The following CCSER1 variants were observed in gnomAD, a reference collection of about 807,000 sequenced individuals.
CCSER1 encodes the protein coiled-coil serine rich protein 1.
In CCSER1, 41 loss-of-function variants were observed where a neutral mutation model predicts 82.0. The ratio of observed to expected loss-of-function variants is 0.50; its 90% CI spans 0.39 to 0.65. The LOEUF is 0.65. Among genes scored for constraint, CCSER1 ranks in the 30% least tolerant of loss-of-function variants. The pLI is 0.00. For synonymous variants in CCSER1, 414 were observed against 383.9 expected, an observed-to-expected ratio of 1.08 and a Z score of -0.92; for missense variants, 1,119 against 1,064.2, an observed-to-expected ratio of 1.05 and a Z score of -0.72.
intron 10 of CCSER1, among the ~76,000 whole-genome samples, chr4:91,246,823 CACAT>C (rs1553916501): frequency 1.1e-4 from 14 of 124,624 alleles, no homozygotes; most frequent in Non-Finnish European, 2.0e-4. Flanking sequence ...CACACATACA[CACAT>C]ACACACACAC....
rs1212491597 is a variant in CCSER1 at position 91,142,774 on chromosome 4, G to A, written c.2217+56780G>A. ...TAGTGTATTTCTGTAGACTTTGTAA[G>A]AGATTAGGTGGCTGTAGTTGTGTGG... On this transcript the variant is annotated intron_variant, in intron 10 of 10. Coordinates refer to ENST00000509176, the MANE Select transcript of CCSER1 (RefSeq NM_001145065.2). Among the ~76,000 whole-genome samples the A allele has an allele frequency of 1.3e-5, 2 of 152,042 alleles. 1 individual carries two copies. The highest frequency in any genetic ancestry group is 6.3e-3 in the Middle Eastern group (2 of 316).
intron 5 of CCSER1, among the ~76,000 whole-genome samples, chr4:90,469,563 A>T (rs1764089866): frequency 1.3e-5 from 2 of 151,280 alleles, no homozygotes; most frequent in Admixed American, 6.6e-5. Flanking sequence ...ACACACACAC[A>T]CACATTTCCT....
At chr4:90,568,440 T>C (rs896541895) in intron 5 of CCSER1, among the ~76,000 whole-genome samples, 1 of 152,244 alleles carries the variant, frequency 6.6e-6, no homozygotes, top group African/African-American at 2.4e-5. Context: ...TTACACTTTT[T>C]GACACATTGT....
At chr4:90,563,700 A>T (rs1448698336) in intron 5 of CCSER1, among the ~76,000 whole-genome samples, 1 of 152,212 alleles carries the variant, frequency 6.6e-6, no homozygotes, top group Non-Finnish European at 1.5e-5. Flanking sequence ...ATGGACACTT[A>T]GATTGATTCC....
chr4:90,611,892 T>C (rs1463394481), intron 5 of CCSER1, among the ~76,000 whole-genome samples: 1 of 151,178 alleles, frequency 6.6e-6, no homozygotes, highest in East Asian at 1.9e-4. Flanking sequence ...AAGGGAGATA[T>C]ACTTGGCCTC....
intron 10 of CCSER1, among the ~76,000 whole-genome samples, chr4:91,177,206 C>A (rs1046930958): frequency 6.6e-6 from 1 of 152,166 alleles, no homozygotes; most frequent in African/African-American, 2.4e-5. Context: ...TGATGTGCTG[C>A]TGGATTCGGT....
chr4:90,562,587 G>A (rs1293771849), intron 5 of CCSER1, among the ~76,000 whole-genome samples: 19 of 151,838 alleles, frequency 1.3e-4, no homozygotes, highest in Admixed American at 1.2e-3. Flanking sequence ...ACCCAGGCTG[G>A]AGTGCAGTGG....
chr4:90,266,741 C>G (rs2153451413), intron 1 of CCSER1, among the ~76,000 whole-genome samples: 1 of 152,110 alleles, frequency 6.6e-6, no homozygotes, highest in East Asian at 1.9e-4. Context: ...TAGACTAGCC[C>G]TAGCCAGAGA....
chr4:91,224,935 G>A (rs1738029156), intron 10 of CCSER1, among the ~76,000 whole-genome samples: 2 of 151,192 alleles, frequency 1.3e-5, no homozygotes, highest in South Asian at 2.1e-4. Context: ...GTTAGAAGAG[G>A]CAATATTAAA....
chr4:91,181,377 G>C (rs1161325785), intron 10 of CCSER1, among the ~76,000 whole-genome samples: 1 of 152,212 alleles, frequency 6.6e-6, no homozygotes, highest in East Asian at 1.9e-4. Flanking sequence ...TGGGTTACTA[G>C]CTGCTAATCT....
At chr4:90,534,604 G>T (rs1775071549) in intron 5 of CCSER1, among the ~76,000 whole-genome samples, 4 of 152,064 alleles carry the variant, frequency 2.6e-5, no homozygotes, top group Admixed American at 2.6e-4. Flanking sequence ...TATTTCACAT[G>T]CTCACACAGA....
At chr4:90,229,542 C>G (rs1244169493) in intron 1 of CCSER1, among the ~76,000 whole-genome samples, 2 of 151,964 alleles carry the variant, frequency 1.3e-5, no homozygotes, top group African/African-American at 2.4e-5. Flanking sequence ...ACCATCGAGA[C>G]TAGGAAGAAA....
chr4:90,930,023 CTT>C (rs1250196236), intron 9 of CCSER1, among the ~76,000 whole-genome samples: 1 of 151,780 alleles, frequency 6.6e-6, no homozygotes. Flanking sequence ...ATAATGTTAA[CTT>C]AAAAAAATTG....
intron 4 of CCSER1, among the ~76,000 whole-genome samples, chr4:90,437,519 C>A (rs564659472): frequency 3.3e-5 from 5 of 152,122 alleles, no homozygotes; most frequent in African/African-American, 1.2e-4. Context: ...TGATTAATAT[C>A]TCTGAATCCA....
At chr4:90,570,382 G>A (rs1210141644) in intron 5 of CCSER1, among the ~76,000 whole-genome samples, 1 of 152,110 alleles carries the variant, frequency 6.6e-6, no homozygotes, top group Non-Finnish European at 1.5e-5. Flanking sequence ...TGGCTGGGCT[G>A]AAAACCCTGG....
In CCSER1 at chr4:91,604,217, A is replaced by G. The variant is rs1209653583; in HGVS notation, c.*5160A>G. 2.6e-5 allele frequency: 4 copies of G among 152,134 alleles called. No homozygotes were observed. The highest frequency in any genetic ancestry group is 5.9e-5 in the Non-Finnish European group (4 of 67,996). 9.4% of individuals were successfully genotyped at this position (152,134 alleles called of 1,614,324 possible). A position where few individuals can be genotyped will look rare whatever the true frequency, so the allele number is the denominator to read the frequency against. On this transcript the variant is annotated 3_prime_UTR_variant, in exon 11 of 11. Transcript: ENST00000509176. The stretch of plus-strand genomic sequence containing the variant: ...AATAACCCTTGAACTTTCCATTTAT[A>G]TCATGCTTATCTCCAGAATAGGATC...
intron 5 of CCSER1, among the ~76,000 whole-genome samples, chr4:90,594,858 C>G (rs1366223309): frequency 1.3e-5 from 2 of 151,980 alleles, no homozygotes; most frequent in African/African-American, 4.8e-5. Context: ...AGCTAACAAC[C>G]ACAACACCTA....
chr4:90,534,847 A>C (rs911198296), intron 5 of CCSER1, among the ~76,000 whole-genome samples: 2 of 152,192 alleles, frequency 1.3e-5, no homozygotes, highest in African/African-American at 4.8e-5. Flanking sequence ...TCTCATCAGC[A>C]TACCATCTGC....
At chr4:90,489,499 A>T (rs1462044868) in intron 5 of CCSER1, among the ~76,000 whole-genome samples, 1 of 152,110 alleles carries the variant, frequency 6.6e-6, no homozygotes, top group African/African-American at 2.4e-5. Context: ...AATAGGTAGT[A>T]CGTCACTTCT....
Sources: allele counts gnomAD v4.1 joint callset (sites outside exome capture counted in the v4.1 genomes callset), GRCh38; gene constraint gnomAD v4.1.1; transcripts MANE v1.5; gene names NCBI Gene and HGNC (gene_info 2026-07-23, HGNC 2026-07-21).